The following CSRNP3 variants were observed in gnomAD, a reference collection of about 807,000 sequenced individuals.
CSRNP3 encodes the protein cysteine and serine rich nuclear protein 3.
CSRNP3 carries 12 observed loss-of-function variants against 48.0 expected under a neutral mutation model. The observed-to-expected ratio is 0.25, with a 90% confidence interval of 0.16 to 0.41. CSRNP3 has a LOEUF of 0.41. CSRNP3 is among the 10% of genes least tolerant of loss of function. The probability of loss-of-function intolerance (pLI) is 1.00; values close to 1 mark genes in which losing one functional copy is unlikely to be tolerated. For missense variants in CSRNP3, 580 were observed against 724.4 expected, an observed-to-expected ratio of 0.80 and a Z score of 2.29; for synonymous variants, 263 against 269.7, an observed-to-expected ratio of 0.98 and a Z score of 0.24.
At chr2:165,654,942 A>G (rs1484364995) in intron 4 of CSRNP3, among the ~76,000 whole-genome samples, 2 of 152,142 alleles carry the variant, frequency 1.3e-5, no homozygotes, top group African/African-American at 4.8e-5. Context: ...TGTGTTTTTA[A>G]CTGATGTATC....
chr2:165,525,879 T>A (rs1458688769), intron 3 of CSRNP3, among the ~76,000 whole-genome samples: 1 of 152,210 alleles, frequency 6.6e-6, no homozygotes, highest in Non-Finnish European at 1.5e-5. Context: ...TTATGTTTTG[T>A]ATTTAGTCAT....
chr2:165,547,551 C>T (rs140976593), intron 3 of CSRNP3, among the ~76,000 whole-genome samples: 30 of 151,964 alleles, frequency 2.0e-4, no homozygotes, highest in Middle Eastern at 3.4e-3. Flanking sequence ...TCTTTTCATA[C>T]GTATATTGGC....
chr2:165,564,044 G>T (rs1171040541), intron 3 of CSRNP3, among the ~76,000 whole-genome samples: 1 of 151,952 alleles, frequency 6.6e-6, no homozygotes, highest in African/African-American at 2.4e-5. Context: ...TTGGTCTATC[G>T]CCACCTAGGG....
rs200600504 is a variant in CSRNP3, at chr2:165,540,664, T to C, written c.-24+22703T>C. Among the ~76,000 whole-genome samples the C allele has an allele frequency of 3.8e-4, 4 of 10,618 alleles. No individual in the cohort carries two copies. The East Asian group carries it at 9.7e-3, about 26-fold the overall frequency. 7.0% of individuals were successfully genotyped at this position (10,618 alleles called of 152,430 possible). The stretch of plus-strand genomic sequence containing the variant: ...CTTTCCCATTTTATGGCACCAGTTC[T>C]TTTTTTTCCCCAGGAATCCCTGCTG... On this transcript the variant is annotated intron_variant, in intron 3 of 6. Transcript: ENST00000651982.
intron 3 of CSRNP3, among the ~76,000 whole-genome samples, chr2:165,587,851 G>A (rs978557385): frequency 3.9e-5 from 6 of 152,184 alleles, no homozygotes; most frequent in Non-Finnish European, 8.8e-5. Context: ...GGGAGTTAGA[G>A]TGGTAAATGA....
intron 5 of CSRNP3, among the ~76,000 whole-genome samples, chr2:165,665,106 C>T (rs1286795274): frequency 6.6e-6 from 1 of 152,110 alleles, no homozygotes; most frequent in Non-Finnish European, 1.5e-5. Context: ...CTTAAAATTG[C>T]ATTTAACAAA....
At chr2:165,559,583 G>A (rs1685203570) in intron 3 of CSRNP3, among the ~76,000 whole-genome samples, 2 of 152,022 alleles carry the variant, frequency 1.3e-5, no homozygotes, top group South Asian at 4.1e-4. Context: ...TAAAAGAAAA[G>A]GGATGTGTAA....
chr2:165,486,406 A>G (rs1405387818), intron 1 of CSRNP3, among the ~76,000 whole-genome samples: 1 of 151,020 alleles, frequency 6.6e-6, no homozygotes, highest in Non-Finnish European at 1.5e-5. Context: ...TTAGGTAAAC[A>G]AAGCAGCCAG....
intron 1 of CSRNP3, among the ~76,000 whole-genome samples, chr2:165,487,842 T>A (rs1684143642): frequency 6.8e-6 from 1 of 147,132 alleles, no homozygotes; most frequent in South Asian, 2.2e-4. Flanking sequence ...TGCAAAATCA[T>A]GCCAAAATGT....
At chr2:165,488,241 G>T (rs1185937610) in intron 1 of CSRNP3, among the ~76,000 whole-genome samples, 1 of 103,332 alleles carries the variant, frequency 9.7e-6, no homozygotes, top group Non-Finnish European at 1.9e-5. Context: ...AACAAGAGGA[G>T]CTAACTATCC....
chr2:165,520,635 T>C (rs1429641249), intron 3 of CSRNP3, among the ~76,000 whole-genome samples: 2 of 150,966 alleles, frequency 1.3e-5, no homozygotes, highest in East Asian at 3.9e-4. Context: ...TGTCCAATAT[T>C]AGATTATTAA....
chr2:165,523,041 T>C (rs1054863824), intron 3 of CSRNP3, among the ~76,000 whole-genome samples: 2 of 152,186 alleles, frequency 1.3e-5, no homozygotes, highest in African/African-American at 4.8e-5. Flanking sequence ...TCACGATTAG[T>C]GCACCTGCTA....
At chr2:165,533,428 A>G (rs1022697649) in intron 3 of CSRNP3, among the ~76,000 whole-genome samples, 1 of 152,080 alleles carries the variant, frequency 6.6e-6, no homozygotes, top group African/African-American at 2.4e-5. Context: ...AGCAATGGGA[A>G]TCCCTTACTT....
chr2:165,629,900 C>A (rs1455503174), intron 4 of CSRNP3, among the ~76,000 whole-genome samples: 1 of 152,184 alleles, frequency 6.6e-6, no homozygotes, highest in African/African-American at 2.4e-5. Flanking sequence ...GGCTGCCCTG[C>A]CTGCTGCATT....
At chr2:165,576,383 C>T (rs1272440830) in intron 3 of CSRNP3, among the ~76,000 whole-genome samples, 1 of 151,954 alleles carries the variant, frequency 6.6e-6, no homozygotes, top group Non-Finnish European at 1.5e-5. Context: ...AGAAAAGAAC[C>T]AAGTTTAACA....
chr2:165,623,103 A>G (rs908729355), intron 4 of CSRNP3, among the ~76,000 whole-genome samples: 20 of 152,158 alleles, frequency 1.3e-4, no homozygotes, highest in African/African-American at 4.3e-4. Flanking sequence ...AAAAATGACA[A>G]TTTTTGAAAG....
intron 4 of CSRNP3, among the ~76,000 whole-genome samples, chr2:165,598,148 G>A (rs1276106561): frequency 6.6e-6 from 1 of 152,120 alleles, no homozygotes; most frequent in African/African-American, 2.4e-5. Flanking sequence ...AAGAGGGGTT[G>A]GGGAGGAGAG....
chr2:165,622,083 A>C (rs1192336565), intron 4 of CSRNP3, among the ~76,000 whole-genome samples: 2 of 152,182 alleles, frequency 1.3e-5, no homozygotes, highest in Non-Finnish European at 2.9e-5. Flanking sequence ...TCTGCCATAT[A>C]TTTCACATTA....
intron 4 of CSRNP3, among the ~76,000 whole-genome samples, chr2:165,652,280 G>A (rs1686923668): frequency 6.6e-6 from 1 of 151,938 alleles, no homozygotes; most frequent in African/African-American, 2.4e-5. Context: ...GGGAGGCTGA[G>A]GCAGGCGGAT....
Sources: gnomAD v4.1 joint callset for allele counts (sites outside exome capture counted in the v4.1 genomes callset) on GRCh38, gnomAD v4.1.1 for gene constraint, MANE v1.5 for transcripts, NCBI Gene and HGNC (gene_info 2026-07-23, HGNC 2026-07-21) for gene names.